CCDC149: variants seen among roughly 807,000 people sequenced by gnomAD.
CCDC149 encodes the protein coiled-coil domain containing 149.
Under a neutral mutation model 59.9 loss-of-function variants are expected in CCDC149, and 45 were observed. The ratio of observed to expected loss-of-function variants is 0.75; its 90% CI spans 0.59 to 0.96. The LOEUF (loss-of-function observed/expected upper bound fraction) is 0.96. CCDC149 is among the 40% of genes least tolerant of loss of function. The pLI, the probability that CCDC149 is intolerant of heterozygous loss-of-function variation, is 0.00. For missense variants in CCDC149, 584 were observed against 664.7 expected, an observed-to-expected ratio of 0.88 and a Z score of 1.33; for synonymous variants, 245 against 260.6, an observed-to-expected ratio of 0.94 and a Z score of 0.58.
rs5856868 is a variant in CCDC149, at chr4:24,874,244, G to GTTTTTTTTTTTTTTTTTTTTT, written c.226-526_226-525insAAAAAAAAAAAAAAAAAAAAA. On this transcript the variant is annotated intron_variant, in intron 2 of 12. Transcript: ENST00000635206. The stretch of plus-strand genomic sequence containing the variant: ...GAGAACTTCTAGTCCTATTAGATTT[G>GTTTTTTTTTTTTTTTTTTTTT]TTTTTTTTTTTTTTTGTTTTGTTTT... Among the ~76,000 whole-genome samples, 26 of 87,478 alleles carry GTTTTTTTTTTTTTTTTTTTTT rather than the reference G, an allele frequency of 3.0e-4. 8 individuals are homozygous for GTTTTTTTTTTTTTTTTTTTTT. Among genetic ancestry groups the GTTTTTTTTTTTTTTTTTTTTT allele is most frequent in the African/African-American group, 1.5e-3 (25 of 17,166 alleles). The allele number at this position is 87,478 out of a possible 152,430, so 57.4% of individuals were successfully genotyped here. A position where few individuals can be genotyped will look rare whatever the true frequency, so the allele number is the denominator to read the frequency against.
chr4:24,853,587 CAAAA>C (rs11291619), intron 3 of CCDC149, among the ~76,000 whole-genome samples: 1 of 92,366 alleles, frequency 1.1e-5, no homozygotes. Context: ...GACTCCATTT[CAAAA>C]AAAAAAAAAA....
intron 1 of CCDC149, among the ~76,000 whole-genome samples, chr4:24,910,037 T>G (rs1475580600): frequency 6.6e-6 from 1 of 152,010 alleles, no homozygotes; most frequent in Non-Finnish European, 1.5e-5. Flanking sequence ...ACAACAGGAG[T>G]GTATTCACTC....
intron 1 of CCDC149, among the ~76,000 whole-genome samples, chr4:24,951,570 T>C (rs1260135332): frequency 6.6e-6 from 1 of 152,194 alleles, no homozygotes; most frequent in Non-Finnish European, 1.5e-5. Flanking sequence ...TCTGGGTTTT[T>C]CTGGTGGCTT....
At chr4:24,854,864 A>G (rs1168978911) in intron 3 of CCDC149, among the ~76,000 whole-genome samples, 1 of 152,118 alleles carries the variant, frequency 6.6e-6, no homozygotes, top group Non-Finnish European at 1.5e-5. Context: ...CTCTCCCTCC[A>G]GAGAGCCTCT....
At chr4:24,858,185 T>G (rs1415313353) in intron 3 of CCDC149, among the ~76,000 whole-genome samples, 2 of 152,202 alleles carry the variant, frequency 1.3e-5, no homozygotes, top group African/African-American at 4.8e-5. Flanking sequence ...TTATCAGCTA[T>G]GCAGAGCACT....
chr4:24,819,445 T>C (rs1441276762), intron 12 of CCDC149, among the ~76,000 whole-genome samples: 19 of 152,152 alleles, frequency 1.2e-4, no homozygotes, highest in Non-Finnish European at 1.6e-4. Flanking sequence ...CTCAGCCTCC[T>C]GAGTAGCTGG....
At chr4:24,956,938 T>A (rs1161758108) in intron 1 of CCDC149, among the ~76,000 whole-genome samples, 2 of 152,226 alleles carry the variant, frequency 1.3e-5, no homozygotes, top group Non-Finnish European at 2.9e-5. Flanking sequence ...AGGCCTAGGC[T>A]ACAGTATAAG....
At chr4:24,906,632 G>A (rs904190219) in intron 1 of CCDC149, among the ~76,000 whole-genome samples, 9 of 151,764 alleles carry the variant, frequency 5.9e-5, no homozygotes, top group African/African-American at 1.9e-4. Context: ...TCCTGATCTC[G>A]GGTGATACGC....
At chr4:24,832,289 A>AATCG (rs1716207260) in intron 8 of CCDC149, among the ~76,000 whole-genome samples, 2 of 152,246 alleles carry the variant, frequency 1.3e-5, no homozygotes, top group Admixed American at 1.3e-4. Context: ...GTCACTTTAA[A>AATCG]ATCGACTTAA....
At chr4:24,866,789 CAAA>C (rs11382183) in intron 3 of CCDC149, among the ~76,000 whole-genome samples, 2 of 129,748 alleles carry the variant, frequency 1.5e-5, no homozygotes, top group African/African-American at 3.0e-5. Flanking sequence ...ACCCAAAAAG[CAAA>C]AAAAAAAAAA....
intron 1 of CCDC149, among the ~76,000 whole-genome samples, chr4:24,955,015 A>C (rs1344716094): frequency 6.6e-6 from 1 of 152,234 alleles, no homozygotes; most frequent in African/African-American, 2.4e-5. Flanking sequence ...ACAGTATCTC[A>C]GATGCCTTGC....
chr4:24,938,574 C>T (rs562596102), intron 1 of CCDC149, among the ~76,000 whole-genome samples: 2 of 152,116 alleles, frequency 1.3e-5, no homozygotes, highest in African/African-American at 2.4e-5. Context: ...GTGCACTGGG[C>T]GTGAGCCGAA....
At chr4:24,878,591 T>G (rs550380167) in intron 1 of CCDC149, among the ~76,000 whole-genome samples, 1 of 152,348 alleles carries the variant, frequency 6.6e-6, no homozygotes, top group East Asian at 1.9e-4. Flanking sequence ...CCTCCAGTTC[T>G]TTTCCCGTAA....
chr4:24,910,692 G>A (rs1005617975), intron 1 of CCDC149, among the ~76,000 whole-genome samples: 5 of 152,128 alleles, frequency 3.3e-5, no homozygotes, highest in African/African-American at 1.2e-4. Context: ...TAGCAAGTGT[G>A]GCCTAGCAAG....
At chr4:24,979,650 G>T (rs1217238220) in intron 1 of CCDC149, among the ~76,000 whole-genome samples, 2 of 152,178 alleles carry the variant, frequency 1.3e-5, no homozygotes, top group African/African-American at 4.8e-5. Context: ...TCAAAATCAG[G>T]AAACAGGGCT....
intron 1 of CCDC149, among the ~76,000 whole-genome samples, chr4:24,971,465 C>T (rs1245284917): frequency 6.6e-6 from 1 of 152,258 alleles, no homozygotes; most frequent in Non-Finnish European, 1.5e-5. Flanking sequence ...GCACATTATG[C>T]AACCTTGCCA....
intron 3 of CCDC149, among the ~76,000 whole-genome samples, chr4:24,855,048 C>G (rs971736781): frequency 2.0e-5 from 3 of 152,198 alleles, no homozygotes; most frequent in Admixed American, 2.0e-4. Context: ...CTGTTGACTC[C>G]TTGTCTCCCT....
At chr4:24,876,320 CACACACACACACACACACACAG>C (rs1282074389) in intron 2 of CCDC149, among the ~76,000 whole-genome samples, 194 bp downstream of exon 2, 6 of 150,590 alleles carry the variant, frequency 4.0e-5, no homozygotes, top group African/African-American at 1.2e-4. Flanking sequence ...CACACACACA[CACACACACACACACACACACAG>C]AGAGAGAGAG....
rs964917254 is a variant in CCDC149 at position 24,834,219 on chromosome 4, T to C, written c.820+729A>G. Among the ~76,000 whole-genome samples the C allele has an allele frequency of 3.3e-5, 5 of 152,286 alleles. No homozygotes were observed. The Middle Eastern group carries it at 0.01, about 311-fold the overall frequency. On this transcript the variant is annotated intron_variant, in intron 8 of 12. Transcript: ENST00000635206. ...ACTGTAGTGCTGATTAAGACTGCCATATGATAGTTGCTGGTCTGCACTATC... is the reference window on the plus strand; with the variant it reads ...ACTGTAGTGCTGATTAAGACTGCCACATGATAGTTGCTGGTCTGCACTATC...
Sources: gnomAD v4.1 joint callset for allele counts (sites outside exome capture counted in the v4.1 genomes callset) on GRCh38, gnomAD v4.1.1 for gene constraint, MANE v1.5 for transcripts, NCBI Gene and HGNC (gene_info 2026-07-23, HGNC 2026-07-21) for gene names.